TVP23C: variants seen among roughly 807,000 people sequenced by gnomAD.
The protein encoded by TVP23C is trans-golgi network vesicle protein 23 homolog C, also known as Golgi apparatus membrane protein TVP23 homolog C.
TVP23C carries 19 observed loss-of-function variants against 28.7 expected under a neutral mutation model. The observed-to-expected ratio is 0.66, with a 90% CI of 0.46 to 0.97. The LOEUF (loss-of-function observed/expected upper bound fraction) is 0.97. TVP23C is among the 50% of genes least tolerant of loss of function. TVP23C has a pLI of 0.00. For missense variants in TVP23C, 186 were observed against 241.3 expected, an observed-to-expected ratio of 0.77 and a Z score of 1.52; for synonymous variants, 68 against 81.7, an observed-to-expected ratio of 0.83 and a Z score of 0.90.
chr17:15,561,329 C>A (rs530243946), intron 1 of TVP23C, among the ~76,000 whole-genome samples: 2 of 152,142 alleles, frequency 1.3e-5, no homozygotes, highest in Non-Finnish European at 2.9e-5. Context: ...CCGGGCCTGG[C>A]GGCTCACGCC....
rs56144422 is a variant in TVP23C, at chr17:15,545,798, G to A, written c.449C>T (p.Thr150Ile). 14 of 1,508,812 alleles carry A rather than the reference G, an allele frequency of 9.3e-6. No homozygotes were observed. The highest frequency in any genetic ancestry group is 3.1e-5 in the African/African-American group (2 of 64,074). The allele number at this position is 1,508,812 out of a possible 1,614,324, so 93.5% of individuals were successfully genotyped here. The change falls in exon 5 of 6, where the codon ACA (threonine) becomes ATA (isoleucine). Residue 150 changes from threonine to isoleucine, a missense_variant. By Grantham distance (89) the Thr-to-Ile change is moderately conservative (BLOSUM62 -1). Coordinates refer to ENST00000518321, the MANE Select transcript of TVP23C (RefSeq NM_001135036.2). ...IFAFSALFSF[T>I]VKWLAVVIMG... ...ACTGATACTCACCAGCCACTTTACT[G>A]TGAAGGAGAAGAGTGCACTAAAGGC...
intron 5 of TVP23C, among the ~76,000 whole-genome samples, chr17:15,526,995 CAAACCA>C (rs1982757372): frequency 6.6e-6 from 1 of 152,088 alleles, no homozygotes; most frequent in South Asian, 2.1e-4. Flanking sequence ...CCCAGTAGAC[CAAACCA>C]AAATGGAGTT....
Position 15,540,430 on chromosome 17 carries a change from T to C in TVP23C, c.594A>G (p.Val198=). 2 of 1,599,346 alleles carry C rather than the reference T, an allele frequency of 1.3e-6. No homozygotes were observed. The highest frequency in any genetic ancestry group is 1.7e-4 in the Middle Eastern group (1 of 6,014). The change falls in exon 6 of 6, where the codon GTA becomes GTG. Residue 198 remains valine (V), a synonymous_variant. Coordinates refer to ENST00000518321, the MANE Select transcript of TVP23C (RefSeq NM_001135036.2). The part of the protein sequence containing the change: ...SYFGKQFLRQ[V]SVFWM ...TCACTGATCACATCCAGAAAACACT[T>C]ACTTGTCTTAAAAACTGCTTTCCAA...
rs1335528570 is a variant in TVP23C at position 15,508,581 on chromosome 17, G to GCTCCC, written c.463-5354_463-5350dup. On this transcript the variant is annotated intron_variant, in intron 5 of 5. Coordinates refer to the TVP23C transcript ENST00000225576. The stretch of plus-strand genomic sequence containing the variant: ...CTTCCCTTAGGACTCACATGCCTTT[G>GCTCCC]CTCCCCTCCCTGTGGCTTCGCTGGT... Among the ~76,000 whole-genome samples, 4 of 152,192 alleles carry GCTCCC rather than the reference G, an allele frequency of 2.6e-5. No individual in the cohort carries two copies. In the East Asian group the frequency reaches 7.7e-4, roughly 29 times the overall value.
At chr17:15,522,671 T>C (rs1223100410) in intron 5 of TVP23C, among the ~76,000 whole-genome samples, 2 of 152,218 alleles carry the variant, frequency 1.3e-5, no homozygotes, top group Admixed American at 1.3e-4. Context: ...ACATTGATAG[T>C]GTTTTCAATG....
intron 1 of TVP23C, among the ~76,000 whole-genome samples, chr17:15,556,362 GCT>G (rs1491490056): frequency 8.3e-6 from 1 of 121,174 alleles, no homozygotes; most frequent in East Asian, 2.6e-4. Context: ...TTTACCTTAG[GCT>G]TTTTTTTTTT....
chr17:15,524,880 T>G (rs1409126636), intron 5 of TVP23C, among the ~76,000 whole-genome samples: 4 of 152,200 alleles, frequency 2.6e-5, no homozygotes, highest in Non-Finnish European at 4.4e-5. Context: ...ACAGACACAG[T>G]GCATGAGCAG....
rs1983206277 is a variant in TVP23C at position 15,537,549 on chromosome 17, ATAAAG to A, written c.*2858_*2862del. 2.0e-6 allele frequency: 2 copies of A among 983,568 alleles called. No individual in the cohort carries two copies. The highest frequency in any genetic ancestry group is 2.4e-6 in the Non-Finnish European group (2 of 828,168). 60.9% of individuals were successfully genotyped at this position (983,568 alleles called of 1,614,324 possible). On this transcript the variant is annotated 3_prime_UTR_variant, in exon 6 of 6. Transcript: ENST00000518321. ...TTCTTACAAACAAAAATAAAATTTT[ATAAAG>A]TAGTTAATACCACTGGCCCTAATTG...
At chr17:15,523,762 C>T (rs551890631) in intron 5 of TVP23C, among the ~76,000 whole-genome samples, 168 of 152,038 alleles carry the variant, frequency 1.1e-3, no homozygotes, top group South Asian at 8.3e-3. Flanking sequence ...TACAGGCGCC[C>T]GCCACCATGC....
chr17:15,526,956 T>C (rs566986559), intron 5 of TVP23C, among the ~76,000 whole-genome samples: 26 of 152,348 alleles, frequency 1.7e-4, no homozygotes, highest in African/African-American at 6.0e-4. Flanking sequence ...TAGGAGGTCA[T>C]TGGTTTGAAG....
intron 5 of TVP23C, chr17:15,503,437 T>G (rs1380815177): frequency 1.7e-6 from 1 of 581,374 alleles, no homozygotes; most frequent in Non-Finnish European, 2.8e-6. Context: ...AAAGGTGACC[T>G]GCTTTAGAAC....
At chr17:15,510,288 A>T (rs955614113) in intron 5 of TVP23C, among the ~76,000 whole-genome samples, 1 of 152,224 alleles carries the variant, frequency 6.6e-6, no homozygotes, top group African/African-American at 2.4e-5. Context: ...AAACAAATCA[A>T]CAAGAAATAA....
intron 5 of TVP23C, among the ~76,000 whole-genome samples, chr17:15,510,194 G>A (rs1280213525): frequency 6.6e-6 from 1 of 152,188 alleles, no homozygotes; most frequent in African/African-American, 2.4e-5. Flanking sequence ...GTTCTAGTGA[G>A]GAGTTCCAGA....
chr17:15,524,138 T>C (rs993066816), intron 5 of TVP23C, among the ~76,000 whole-genome samples: 4 of 150,912 alleles, frequency 2.7e-5, no homozygotes, highest in African/African-American at 9.8e-5. Flanking sequence ...ATAAATTCCT[T>C]TGACTTAGAA....
At chr17:15,503,403 A>C in intron 5 of TVP23C, 1 of 831,218 alleles carries the variant, frequency 1.2e-6, no homozygotes, top group South Asian at 2.2e-5. Context: ...AGACCATGAT[A>C]TTTCAAGAAA....
intron 5 of TVP23C, among the ~76,000 whole-genome samples, chr17:15,514,151 G>C (rs544680886): frequency 6.6e-6 from 1 of 152,200 alleles, no homozygotes; most frequent in Non-Finnish European, 1.5e-5. Context: ...CCATCAATCC[G>C]GCAGCAAACA....
exon 6 of TVP23C, chr17:15,503,108 T>C: frequency 1.9e-6 from 3 of 1,613,880 alleles, no homozygotes; most frequent in Non-Finnish European, 2.5e-6. Context: ...CTGATGAAAC[T>C]TCCTCGAGGG....
intron 5 of TVP23C, among the ~76,000 whole-genome samples, chr17:15,544,857 A>C (rs1423566655): frequency 6.6e-6 from 1 of 152,152 alleles, no homozygotes; most frequent in Non-Finnish European, 1.5e-5. Context: ...CTATATCACA[A>C]AATAGGACTA....
intron 5 of TVP23C, among the ~76,000 whole-genome samples, chr17:15,526,127 A>T (rs1478989870): frequency 6.6e-6 from 1 of 152,120 alleles, no homozygotes; most frequent in Non-Finnish European, 1.5e-5. Context: ...CAGCTCTTTA[A>T]CAGACACAGT....
Sources: gnomAD v4.1 joint callset for allele counts (sites outside exome capture counted in the v4.1 genomes callset) on GRCh38, gnomAD v4.1.1 for gene constraint, MANE v1.5 for transcripts, NCBI Gene and HGNC (gene_info 2026-07-23, HGNC 2026-07-21) for gene names.